TSHZ3: variants seen among roughly 807,000 people sequenced by gnomAD.
The protein encoded by TSHZ3 is teashirt zinc finger homeobox 3, also known as teashirt homolog 3.
A neutral mutation model predicts 64.5 loss-of-function variants in TSHZ3; 10 were observed. The observed-to-expected ratio is 0.16, with a 90% CI of 0.10 to 0.26. The LOEUF (loss-of-function observed/expected upper bound fraction) is 0.26. Among genes scored for constraint, TSHZ3 ranks in the 10% least tolerant of loss-of-function variants. The probability of loss-of-function intolerance (pLI) is 1.00; values close to 1 mark genes in which losing one functional copy is unlikely to be tolerated. For missense variants in TSHZ3, 1,242 were observed against 1,421.7 expected (o/e 0.87, Z 2.03); for synonymous variants, 608 against 593.1 (o/e 1.03, Z -0.36).
chr19:31,185,519 G>A (rs565541342), intron 5 of TSHZ3, among the ~76,000 whole-genome samples: 1 of 152,184 alleles, frequency 6.6e-6, no homozygotes, highest in Non-Finnish European at 1.5e-5. Flanking sequence ...CCTGCAGAGG[G>A]AGCTCAGTGG....
chr19:31,292,581 T>C (rs1324184641), intron 1 of TSHZ3, among the ~76,000 whole-genome samples: 1 of 152,118 alleles, frequency 6.6e-6, no homozygotes, highest in East Asian at 1.9e-4. Flanking sequence ...GAGTTAAGAT[T>C]TACATGGAAG....
intron 1 of TSHZ3, among the ~76,000 whole-genome samples, chr19:31,255,550 G>A (rs1457281645): frequency 6.6e-6 from 1 of 151,842 alleles, no homozygotes; most frequent in Non-Finnish European, 1.5e-5. Flanking sequence ...GGGCTAACAC[G>A]ACCTGAGCTC....
chr19:31,158,577 C>A (rs1376668403), intron 5 of TSHZ3, among the ~76,000 whole-genome samples: 1 of 152,084 alleles, frequency 6.6e-6, no homozygotes, highest in Non-Finnish European at 1.5e-5. Context: ...TTCCACGAGC[C>A]AGAGTTGGGG....
chr19:31,205,065 A>G (rs1043120840), exon 5 of TSHZ3: 13 of 152,070 alleles, frequency 8.5e-5, no homozygotes, highest in African/African-American at 3.1e-4. Context: ...TCCTTCCTGG[A>G]CTCTAGTTGT....
At position 31,154,191 on chromosome 19, in the gene TSHZ3, G is replaced by A. The variant is rs191178489; in HGVS notation, n.871+2165C>T. The stretch of plus-strand genomic sequence containing the variant: ...AGAGCTACCCAGCAGAGCCCCACCC[G>A]TAGGTGCCTTGAGCCCCAGCCAGCC... On this transcript the variant is annotated intron_variant and non_coding_transcript_variant, in intron 6 of 6. Coordinates refer to the TSHZ3 transcript ENST00000651361. Among the ~76,000 whole-genome samples, 102 of 152,276 alleles carry A rather than the reference G, an allele frequency of 6.7e-4. 1 individual carries two copies. Among genetic ancestry groups the A allele is most frequent in the African/African-American group, 2.3e-3 (95 of 41,552 alleles).
At chr19:31,242,642 GA>G (rs1411354310) in exon 3 of TSHZ3, among the ~76,000 whole-genome samples, 1 of 152,094 alleles carries the variant, frequency 6.6e-6, no homozygotes, top group Non-Finnish European at 1.5e-5. Flanking sequence ...AGTTCTACGA[GA>G]GAGAACCTGG....
intron 5 of TSHZ3, among the ~76,000 whole-genome samples, chr19:31,174,741 T>G (rs1974584347): frequency 6.6e-6 from 1 of 152,180 alleles, no homozygotes; most frequent in African/African-American, 2.4e-5. Context: ...AGGCATGGAA[T>G]TTTGCTGAGG....
intron 1 of TSHZ3, among the ~76,000 whole-genome samples, chr19:31,322,938 T>TGGG: frequency 6.6e-6 from 1 of 152,252 alleles, no homozygotes; most frequent in East Asian, 1.9e-4. Flanking sequence ...TGATGAAAAT[T>TGGG]TGGAAAATAA....
rs150039313 is a variant in TSHZ3 at position 31,289,040 on chromosome 19, A to C, written c.41-9288T>G. Among the ~76,000 whole-genome samples, 66 of 152,366 alleles carry C rather than the reference A, an allele frequency of 4.3e-4. No homozygotes were observed. In the East Asian group the frequency reaches 0.012, roughly 28 times the overall value. On this transcript the variant is annotated intron_variant, in intron 1 of 1. Coordinates refer to ENST00000240587, the MANE Select transcript of TSHZ3 (RefSeq NM_020856.4). ...ATGCAACTGGCCACATCCGCCTCCC[A>C]GGTGTTTGCAGGCAACCAAGGATTT...
At chr19:31,226,406 A>G (rs962872707) in intron 4 of TSHZ3, among the ~76,000 whole-genome samples, 3 of 152,088 alleles carry the variant, frequency 2.0e-5, no homozygotes, top group Admixed American at 1.3e-4. Context: ...ATTGTTTCAT[A>G]AGGGGTTTCC....
chr19:31,268,123 T>C (rs1976080484), intron 1 of TSHZ3, among the ~76,000 whole-genome samples: 1 of 152,198 alleles, frequency 6.6e-6, no homozygotes, highest in South Asian at 2.1e-4. Flanking sequence ...CCCCTGCCCA[T>C]GCTGTCTTGC....
intron 5 of TSHZ3, chr19:31,167,811 G>C (rs1184757848): frequency 1.3e-5 from 2 of 152,188 alleles, no homozygotes; most frequent in South Asian, 4.1e-4. Flanking sequence ...ACTTCTCGAG[G>C]CTGATGGCGT....
intron 5 of TSHZ3, among the ~76,000 whole-genome samples, chr19:31,159,166 AT>A (rs1490365903): frequency 6.6e-6 from 1 of 152,010 alleles, no homozygotes; most frequent in African/African-American, 2.4e-5. Flanking sequence ...CACCCAGCTA[AT>A]TTTTGTATTT....
chr19:31,189,028 C>T (rs2145135622), intron 5 of TSHZ3, among the ~76,000 whole-genome samples: 1 of 151,878 alleles, frequency 6.6e-6, no homozygotes, highest in East Asian at 1.9e-4. Context: ...ATGTATTTTT[C>T]AACTTTAAGT....
At chr19:31,156,023 A>G (rs1432429539) in intron 6 of TSHZ3, among the ~76,000 whole-genome samples, 5 of 152,232 alleles carry the variant, frequency 3.3e-5, no homozygotes, top group African/African-American at 7.2e-5. Context: ...ATCTGGCTCA[A>G]CTATTGGAAT....
intron 1 of TSHZ3, among the ~76,000 whole-genome samples, chr19:31,334,636 AC>A (rs1445392097): frequency 6.6e-6 from 1 of 152,160 alleles, no homozygotes; most frequent in Non-Finnish European, 1.5e-5. Flanking sequence ...CTTCCAGGTA[AC>A]CTTGTCTCAT....
chr19:31,320,228 A>G (rs1185739502), intron 1 of TSHZ3, among the ~76,000 whole-genome samples: 2 of 152,110 alleles, frequency 1.3e-5, no homozygotes, highest in East Asian at 3.9e-4. Flanking sequence ...CGGTGGGTAA[A>G]TATGACCCTG....
chr19:31,164,278 G>A (rs146026569), intron 5 of TSHZ3, among the ~76,000 whole-genome samples: 1 of 152,286 alleles, frequency 6.6e-6, no homozygotes, highest in East Asian at 1.9e-4. Flanking sequence ...TTCCTGCACT[G>A]CGAATTCTGG....
chr19:31,211,034 A>G (rs1975254129), intron 4 of TSHZ3, among the ~76,000 whole-genome samples: 1 of 152,196 alleles, frequency 6.6e-6, no homozygotes, highest in African/African-American at 2.4e-5. Context: ...ATATGTTAAA[A>G]TAGTTTGTTT....
Sources: gnomAD v4.1 joint callset for allele counts (sites outside exome capture counted in the v4.1 genomes callset) on GRCh38, gnomAD v4.1.1 for gene constraint, MANE v1.5 for transcripts, NCBI Gene and HGNC (gene_info 2026-07-23, HGNC 2026-07-21) for gene names.